The following DNA2 variants were observed in gnomAD, a reference collection of about 807,000 sequenced individuals.
The protein encoded by DNA2 is DNA replication ATP-dependent helicase/nuclease DNA2.
DNA2 carries 101 observed loss-of-function variants against 119.1 expected under a neutral mutation model. That is an observed-to-expected ratio of 0.85 (90% CI 0.72 to 1.00). DNA2 has a LOEUF of 1.00. DNA2 is among the 50% of genes least tolerant of loss of function. The probability of loss-of-function intolerance (pLI) is 0.00; values close to 1 mark genes in which losing one functional copy is unlikely to be tolerated. For synonymous variants in DNA2, 366 were observed against 424.4 expected (o/e 0.86, Z 1.69); for missense variants, 1,121 against 1,255.5 (o/e 0.89, Z 1.62).
Position 68,458,965 on chromosome 10 carries a change from G to A in DNA2, c.719+139C>T, listed in dbSNP as rs551764571. The A allele has an allele frequency of 2.4e-5, 17 of 705,352 alleles. No individual in the cohort carries two copies. In the South Asian group the frequency reaches 6.0e-4, roughly 25 times the overall value. 43.7% of individuals were successfully genotyped at this position (705,352 alleles called of 1,614,324 possible). ...CTTTTTTGTCATGGAAAGATACTTA[G>A]GACCATAATTTATAAAATAAGCAAG... On this transcript the variant is annotated intron_variant, in intron 5 of 20. Transcript: ENST00000358410.
intron 17 of DNA2, among the ~76,000 whole-genome samples, chr10:68,422,016 T>C (rs563104840): frequency 3.9e-5 from 6 of 152,202 alleles, no homozygotes; most frequent in African/African-American, 1.4e-4. Context: ...GGTTTCACCA[T>C]GTTGGCCAAG....
chr10:68,436,348 A>G lies in DNA2; in HGVS notation c.1646+663T>C, dbSNP rs536421720. Reference sequence around the variant, plus strand: ...GGTCACGTATTGTATGGTTCCACTTATATCATATATCCAGAATGGATGAAT... The same window carrying G: ...GGTCACGTATTGTATGGTTCCACTTGTATCATATATCCAGAATGGATGAAT... On this transcript the variant is annotated intron_variant, in intron 10 of 20. Transcript: ENST00000358410. Among the ~76,000 whole-genome samples, 3 of 152,362 alleles carry G rather than the reference A, an allele frequency of 2.0e-5. No individual in the cohort carries two copies. The East Asian group carries it at 5.8e-4, about 29-fold the overall frequency.
chr10:68,458,703 C>T (rs2052217462), intron 5 of DNA2, among the ~76,000 whole-genome samples: 1 of 151,858 alleles, frequency 6.6e-6, no homozygotes, highest in Non-Finnish European at 1.5e-5. Flanking sequence ...ACAAAATTAG[C>T]CAGGTGTGGT....
At chr10:68,472,120 C>A (rs376622908), upstream of DNA2, 1 of 1,476,066 alleles carries the variant, frequency 6.8e-7, no homozygotes, top group Non-Finnish European at 9.0e-7. Context: ...AGGGAGTCTT[C>A]ATATCTGAAG....
intron 10 of DNA2, chr10:68,436,721 A>C (rs930393581): frequency 4.3e-6 from 1 of 233,766 alleles, no homozygotes; most frequent in African/African-American, 2.3e-5. Context: ...TTCCATTTAC[A>C]TGAGATGTCC....
At chr10:68,444,688 C>T (rs1447963390) in intron 8 of DNA2, among the ~76,000 whole-genome samples, 1 of 142,566 alleles carries the variant, frequency 7.0e-6, no homozygotes, top group African/African-American at 2.7e-5. Flanking sequence ...TGCACCATTG[C>T]ACTCCAGCCT....
In DNA2 at chr10:68,446,386, C is replaced by T. The variant is rs1474180580; in HGVS notation, c.967G>A (p.Glu323Lys). 3.1e-6 allele frequency: 5 copies of T among 1,592,432 alleles called. No individual in the cohort carries two copies. In the African/African-American group the frequency reaches 4.0e-5, roughly 13 times the overall value. ...CCAGCCTCTGGATCAGCTCTTCTCT[C>T]TTGGCTTAGTAGAGTGTACAGAACA... ...QVVLYTLLSQ[E>K]RRADPEAGLL... The change falls in exon 7 of 21, where the codon GAG (glutamate) becomes AAG (lysine). Residue 323 changes from glutamate to lysine, a missense_variant. Glu to Lys is a moderately conservative substitution (Grantham distance 56). Transcript: ENST00000358410.
At chr10:68,421,823 T>A (rs1235721784) in intron 17 of DNA2, among the ~76,000 whole-genome samples, 1 of 139,534 alleles carries the variant, frequency 7.2e-6, no homozygotes, top group Admixed American at 7.1e-5. Context: ...TGCCTTTTTT[T>A]TTCCCCCCAA....
chr10:68,419,454 T>C, intron 18 of DNA2: 1 of 525,378 alleles, frequency 1.9e-6, no homozygotes, highest in East Asian at 3.2e-5. Flanking sequence ...AAGGATTATA[T>C]GCTACTAAAA....
At chr10:68,448,386 A>G (rs1292664741) in intron 6 of DNA2, among the ~76,000 whole-genome samples, 3 of 152,182 alleles carry the variant, frequency 2.0e-5, no homozygotes, top group Non-Finnish European at 4.4e-5. Context: ...TCAATATAGC[A>G]AGACCCCATC....
chr10:68,432,276 A>G lies in DNA2; in HGVS notation c.1803T>C (p.Pro601=), dbSNP rs767814407. The change falls in exon 12 of 21, where the codon CCT becomes CCC. Residue 601 remains proline (P), a synonymous_variant. Transcript: ENST00000358410. ...CAGAACTAAGGTAGGATATAAACTG[A>G]GGTTCACGAAAGTCAATAATTAAAT... is the stretch of plus-strand genomic sequence containing the variant. ...LRDLIIDFRE[P]QFISYLSSVL... is the part of the protein sequence containing the mutation. 4.2e-5 allele frequency: 67 copies of G among 1,609,208 alleles called. No homozygotes were observed. The highest frequency in any genetic ancestry group is 5.3e-5 in the Non-Finnish European group (62 of 1,178,542).
At chr10:68,458,267 C>T (rs1364666659) in intron 5 of DNA2, among the ~76,000 whole-genome samples, 1 of 152,068 alleles carries the variant, frequency 6.6e-6, no homozygotes, top group African/African-American at 2.4e-5. Flanking sequence ...CATAGTTGCT[C>T]ACACCTGTAA....
intron 6 of DNA2, among the ~76,000 whole-genome samples, chr10:68,448,108 A>G (rs1334985859): frequency 1.3e-5 from 2 of 152,204 alleles, no homozygotes; most frequent in Non-Finnish European, 2.9e-5. Context: ...CAATAAATTG[A>G]AGAAGGAAAT....
At chr10:68,447,214 A>C (rs1040555744) in intron 6 of DNA2, among the ~76,000 whole-genome samples, 1 of 152,110 alleles carries the variant, frequency 6.6e-6, no homozygotes, top group East Asian at 1.9e-4. Flanking sequence ...TATGTAAAAA[A>C]AGTTAAAAAT....
chr10:68,415,740 G>A lies in DNA2; in HGVS notation c.3115-633C>T, dbSNP rs371022489. On this transcript the variant is annotated intron_variant, in intron 20 of 20. Transcript: ENST00000358410. ...TAGATCTCGGCTCACTACAACCTCC[G>A]CCTCCCGGGTGCAAGCGATTCTCCT... 2.2e-4 allele frequency among the ~76,000 whole-genome samples: 34 copies of A among 151,534 alleles called. 1 individual carries two copies. In the East Asian group the frequency reaches 3.7e-3, roughly 16 times the overall value.
chr10:68,442,222 T>A (rs1316283885), intron 9 of DNA2, among the ~76,000 whole-genome samples: 1 of 140,460 alleles, frequency 7.1e-6, no homozygotes, highest in East Asian at 2.0e-4. Flanking sequence ...CAAAAGTAAT[T>A]TTTTTTTTTT....
chr10:68,432,440 T>C lies in DNA2; in HGVS notation c.1717A>G (p.Thr573Ala), dbSNP rs2051835685. The change falls in exon 11 of 21, where the codon ACC becomes GCC. Residue 573 changes from threonine (T) to alanine (A), a missense_variant. Thr to Ala is a moderately conservative substitution (Grantham distance 58, BLOSUM62 0). Coordinates refer to ENST00000358410, the MANE Select transcript of DNA2 (RefSeq NM_001080449.3). Reference sequence around the variant, plus strand: ...AATTTGGAAAGATTTCCTAATGGGGTATCTATATCACAATTTTTTTCTTCT... The same window carrying C: ...AATTTGGAAAGATTTCCTAATGGGGCATCTATATCACAATTTTTTTCTTCT... ...DQEEKNCDID[T>A]PLGNLSKLME... 1.8e-5 allele frequency: 29 copies of C among 1,597,232 alleles called. No individual in the cohort carries two copies. The highest frequency in any genetic ancestry group is 2.5e-5 in the Non-Finnish European group (29 of 1,171,690).
chr10:68,448,035 G>T (rs191387394), intron 6 of DNA2, among the ~76,000 whole-genome samples: 1 of 151,810 alleles, frequency 6.6e-6, no homozygotes, highest in African/African-American at 2.4e-5. Context: ...ATGCTTCTCA[G>T]TTTTACTTAG....
upstream of DNA2, among the ~76,000 whole-genome samples, chr10:68,472,483 C>CT (rs2052394785): frequency 6.6e-6 from 1 of 152,182 alleles, no homozygotes; most frequent in Non-Finnish European, 1.5e-5. Flanking sequence ...GCCTGTAATC[C>CT]CAGCACTTCG....
Sources: allele counts gnomAD v4.1 joint callset (sites outside exome capture counted in the v4.1 genomes callset), GRCh38; gene constraint gnomAD v4.1.1; transcripts MANE v1.5; gene names NCBI Gene and HGNC (gene_info 2026-07-23, HGNC 2026-07-21).